NOTCH2NLC: variants seen among roughly 807,000 people sequenced by gnomAD.
The protein encoded by NOTCH2NLC is notch 2 N-terminal like C.
In NOTCH2NLC, 4 loss-of-function variants were observed where a neutral mutation model predicts 17.7. That is an observed-to-expected ratio of 0.23 (90% CI 0.11 to 0.52). The LOEUF is 0.52. Ranked by LOEUF, NOTCH2NLC falls within the 20% of genes least tolerant of loss-of-function variation. NOTCH2NLC has a pLI of 0.96. For synonymous variants in NOTCH2NLC, 18 were observed against 86.0 expected (o/e 0.21, Z 4.38); for missense variants, 57 against 207.2 (o/e 0.28, Z 4.45).
intron 1 of NOTCH2NLC, among the ~76,000 whole-genome samples, chr1:149,424,847 C>T (rs1374698050): frequency 1.3e-5 from 2 of 150,974 alleles, no homozygotes; most frequent in Admixed American, 1.3e-4. Context: ...GAGGAGGGAG[C>T]AAGAGAGATG....
At chr1:149,448,614 C>T (rs1462047741) in intron 2 of NOTCH2NLC, among the ~76,000 whole-genome samples, 5,751 of 150,514 alleles carry the variant, frequency 0.038, 342 homozygotes, top group Middle Eastern at 0.062. Context: ...TCTTGAACTG[C>T]GCTCTCACGA....
chr1:149,390,675 C>T lies in NOTCH2NLC; in HGVS notation c.-113C>T. Reference sequence around the variant, plus strand: ...GCCGAGGAGCGGCGGACTCGGGGCGCGGGGAGTCGAGGCATTTGCGCCTGT... The same window carrying T: ...GCCGAGGAGCGGCGGACTCGGGGCGTGGGGAGTCGAGGCATTTGCGCCTGT... On this transcript the variant is annotated 5_prime_UTR_variant, in exon 1 of 5. Transcript: ENST00000650865. The T allele has an allele frequency of 8.2e-7, 1 of 1,224,418 alleles. No homozygotes were observed. The highest frequency in any genetic ancestry group is 1.0e-6 in the Non-Finnish European group (1 of 977,768). 75.8% of individuals were successfully genotyped at this position (1,224,418 alleles called of 1,614,324 possible).
In NOTCH2NLC at chr1:149,425,466, G is replaced by C. The variant is rs1160693982; in HGVS notation, c.136-5476G>C. On this transcript the variant is annotated intron_variant, in intron 1 of 4. Transcript: ENST00000650865. Reference sequence around the variant, plus strand: ...GGAAAGAGGGCATAAACTGGGCAGAGAATGCAGTGGAAGTGGTGGGGAGTA... The same window carrying C: ...GGAAAGAGGGCATAAACTGGGCAGACAATGCAGTGGAAGTGGTGGGGAGTA... Among the ~76,000 whole-genome samples, 14 of 151,470 alleles carry C rather than the reference G, an allele frequency of 9.2e-5. 1 individual carries two copies. Among genetic ancestry groups the C allele is most frequent in the Non-Finnish European group, 1.9e-4 (13 of 67,726 alleles).
Position 149,464,267 on chromosome 1 carries a change from A to T in NOTCH2NLC, c.*114A>T. On this transcript the variant is annotated 3_prime_UTR_variant, in exon 5 of 5. Transcript: ENST00000650865. ...GCTTTTGCTTTTGATGGAGTAATTC[A>T]TTGTTTTCTTATCCACCTAAATGCA... The T allele has an allele frequency of 1.8e-6, 1 of 557,162 alleles. No homozygotes were observed. Among genetic ancestry groups the T allele is most frequent in the Non-Finnish European group, 3.3e-6 (1 of 303,250 alleles). The allele number at this position is 557,162 out of a possible 1,614,324, so 34.5% of individuals were successfully genotyped here.
At chr1:149,462,527 T>C (rs1251878305) in intron 3 of NOTCH2NLC, among the ~76,000 whole-genome samples, 2 of 134,896 alleles carry the variant, frequency 1.5e-5, no homozygotes, top group Admixed American at 1.5e-4. Flanking sequence ...TATGTGTGTG[T>C]TACATTTAGA....
chr1:149,393,503 C>T (rs1357104730), intron 1 of NOTCH2NLC, among the ~76,000 whole-genome samples: 27 of 148,722 alleles, frequency 1.8e-4, no homozygotes, highest in African/African-American at 6.1e-4. Flanking sequence ...TTAATTTAAA[C>T]ATCACGGAGT....
intron 1 of NOTCH2NLC, among the ~76,000 whole-genome samples, chr1:149,408,635 T>C (rs2084282325): frequency 6.6e-6 from 1 of 151,384 alleles, no homozygotes; most frequent in Non-Finnish European, 1.5e-5. Context: ...GCTAAAATTT[T>C]AACTCTGCCA....
intron 1 of NOTCH2NLC, among the ~76,000 whole-genome samples, chr1:149,414,521 A>T (rs2101474721): frequency 6.6e-6 from 1 of 151,278 alleles, no homozygotes; most frequent in South Asian, 2.1e-4. Flanking sequence ...CCCTTAAAAA[A>T]TGTATACCCC....
At chr1:149,418,727 A>G in intron 1 of NOTCH2NLC, among the ~76,000 whole-genome samples, 1 of 131,090 alleles carries the variant, frequency 7.6e-6, no homozygotes, top group Non-Finnish European at 1.7e-5. Context: ...GCTCATTAAC[A>G]GTTTAGCTTG....
intron 3 of NOTCH2NLC, among the ~76,000 whole-genome samples, chr1:149,460,859 CT>C (rs2084641739): frequency 5.6e-4 from 1 of 1,798 alleles, no homozygotes. Flanking sequence ...TTCTCCCTTT[CT>C]TTCTTTCTTT....
intron 1 of NOTCH2NLC, among the ~76,000 whole-genome samples, chr1:149,413,129 A>T (rs1203715008): frequency 1.3e-5 from 2 of 150,152 alleles, no homozygotes; most frequent in East Asian, 4.0e-4. Context: ...GCTGGTTTTG[A>T]ACTGCTGACC....
intron 3 of NOTCH2NLC, among the ~76,000 whole-genome samples, chr1:149,460,922 T>TC: frequency 7.2e-6 from 1 of 138,492 alleles, no homozygotes; most frequent in Non-Finnish European, 1.6e-5. Flanking sequence ...TTTCTCTCTC[T>TC]TTCTCTCTTT....
chr1:149,392,898 C>G (rs1357681730), intron 1 of NOTCH2NLC, among the ~76,000 whole-genome samples: 2 of 149,822 alleles, frequency 1.3e-5, no homozygotes, highest in African/African-American at 4.9e-5. Flanking sequence ...GGTGAAACCC[C>G]GTCTCTACTA....
intron 1 of NOTCH2NLC, among the ~76,000 whole-genome samples, chr1:149,393,098 TTAAA>T (rs1365671040): frequency 2.1e-5 from 3 of 144,702 alleles, no homozygotes; most frequent in African/African-American, 5.1e-5. Flanking sequence ...AAAAAAAGTA[TTAAA>T]TAATATGTCA....
intron 3 of NOTCH2NLC, among the ~76,000 whole-genome samples, chr1:149,461,681 A>C (rs2084650775): frequency 6.6e-6 from 1 of 151,404 alleles, no homozygotes; most frequent in South Asian, 2.1e-4. Flanking sequence ...ACACATGCAC[A>C]CGTATGTTTC....
chr1:149,467,533 T>G lies in NOTCH2NLC; in HGVS notation c.*3380T>G. ...ATCAATGAACCATGTCTCATCTTTT[T>G]GGATAAGTAACTGTTAGTAATCCAG... On this transcript the variant is annotated 3_prime_UTR_variant, in exon 5 of 5. Transcript: ENST00000650865. 1 of 123,746 alleles carries G rather than the reference T, an allele frequency of 8.1e-6. No individual in the cohort carries two copies. The allele number at this position is 123,746 out of a possible 1,614,324, so 7.7% of individuals were successfully genotyped here.
At chr1:149,433,274 T>G in intron 2 of NOTCH2NLC, among the ~76,000 whole-genome samples, 5 of 117,726 alleles carry the variant, frequency 4.2e-5, no homozygotes, top group Admixed American at 9.0e-5. Flanking sequence ...CACTGGGGCC[T>G]GTCAGGGGGT....
chr1:149,432,245 A>C (rs1255519240), intron 2 of NOTCH2NLC, among the ~76,000 whole-genome samples: 1 of 148,654 alleles, frequency 6.7e-6, no homozygotes, highest in East Asian at 2.0e-4. Flanking sequence ...ACTTTTTTCC[A>C]GTGAGATCTG....
rs1170190346 is a variant in NOTCH2NLC, at chr1:149,471,533, G to T, written c.*7380G>T. ...TTCTTTTACATGTGGATATTTAGTT[G>T]TCCCAGGACCATTTGTTGAATTAAG... On this transcript the variant is annotated 3_prime_UTR_variant, in exon 5 of 5. Coordinates refer to ENST00000650865, the MANE Select transcript of NOTCH2NLC (RefSeq NM_001364013.2). Among the ~76,000 whole-genome samples, 8 of 150,322 alleles carry T rather than the reference G, an allele frequency of 5.3e-5. 1 individual carries two copies. The highest frequency in any genetic ancestry group is 6.7e-5 in the Admixed American group (1 of 15,014).
Sources: gnomAD v4.1 joint callset for allele counts (sites outside exome capture counted in the v4.1 genomes callset) on GRCh38, gnomAD v4.1.1 for gene constraint, MANE v1.5 for transcripts, NCBI Gene and HGNC (gene_info 2026-07-23, HGNC 2026-07-21) for gene names.